The following FSCN2 variants were observed in gnomAD, a reference collection of about 807,000 sequenced individuals.
The protein encoded by FSCN2 is fascin-2.
In FSCN2, 46 loss-of-function variants were observed where a neutral mutation model predicts 37.8. The observed-to-expected ratio is 1.22, with a 90% CI of 0.96 to 1.56. FSCN2 has a LOEUF of 1.56. FSCN2 is among the 40% of genes most tolerant of loss of function. FSCN2 has a pLI of 0.00. For synonymous variants in FSCN2, 351 were observed against 309.4 expected (o/e 1.13, Z -1.41); for missense variants, 844 against 730.4 (o/e 1.16, Z -1.79).
chr17:81,519,700 A>G, the FSCN2 span, among the ~76,000 whole-genome samples: 1 of 151,988 alleles, frequency 6.6e-6, no homozygotes, highest in East Asian at 1.9e-4. Flanking sequence ...GGGGCCGGTG[A>G]CCTCAGTCAG....
At chr17:81,530,122 CT>C in intron 1 of FSCN2, 1 of 278,672 alleles carries the variant, frequency 3.6e-6, no homozygotes, top group South Asian at 4.1e-5. Context: ...ATTTTCTGGA[CT>C]TTAAAGGAAA....
In FSCN2 at chr17:81,536,607, C is replaced by T. The variant is rs1227634770; in HGVS notation, c.1106-15C>T. 4 of 1,606,934 alleles carry T rather than the reference C, an allele frequency of 2.5e-6. No individual in the cohort carries two copies. The highest frequency in any genetic ancestry group is 3.4e-6 in the Non-Finnish European group (4 of 1,179,542). ...GTGGCGGGAGGGGCAGCGCAGCAGA[C>T]GCTCTCCCCGCCAGGCAAGGACGAA... On this transcript the variant is annotated splice_polypyrimidine_tract_variant and intron_variant, in intron 3 of 4. Coordinates refer to ENST00000417245, the MANE Select transcript of FSCN2 (RefSeq NM_012418.4).
At chr17:81,531,477 GTGA>G (rs1568077467) in intron 1 of FSCN2, among the ~76,000 whole-genome samples, 1 of 122,582 alleles carries the variant, frequency 8.2e-6, no homozygotes, top group African/African-American at 3.2e-5. Flanking sequence ...GGTGGTGGTG[GTGA>G]TGGTGATGAT....
chr17:81,525,295 G>A (rs2032316655), upstream of FSCN2, among the ~76,000 whole-genome samples: 1 of 151,706 alleles, frequency 6.6e-6, no homozygotes, highest in Admixed American at 6.6e-5. Context: ...GCGTGGTGGT[G>A]GGCGCCTGTA....
intron 1 of FSCN2, among the ~76,000 whole-genome samples, chr17:81,532,350 GTGA>G (rs1242366262): frequency 9.9e-4 from 136 of 137,568 alleles, no homozygotes; most frequent in African/African-American, 3.5e-3. Context: ...GATGATGATA[GTGA>G]TGGTGGTGAT....
intron 1 of FSCN2, among the ~76,000 whole-genome samples, chr17:81,534,503 G>A (rs1454630797): frequency 1.3e-5 from 2 of 151,946 alleles, no homozygotes; most frequent in East Asian, 1.9e-4. Flanking sequence ...CCATCCCCTC[G>A]CAGGAACCCC....
Position 81,536,142 on chromosome 17 carries a change from C to T in FSCN2, c.984-4C>T, listed in dbSNP as rs1359931174. 6.2e-7 allele frequency: 1 copy of T among 1,606,768 alleles called. No homozygotes were observed. Among genetic ancestry groups the T allele is most frequent in the South Asian group, 1.1e-5 (1 of 89,652 alleles). Reference sequence around the variant, plus strand: ...CTGAGGAGACCTTTTGCTGCTCCCTCCAGTTCTGCCAACACCATGTTTGAG... The same window carrying T: ...CTGAGGAGACCTTTTGCTGCTCCCTTCAGTTCTGCCAACACCATGTTTGAG... On this transcript the variant is annotated splice_region_variant and splice_polypyrimidine_tract_variant and intron_variant, in intron 2 of 4. Coordinates refer to ENST00000417245, the MANE Select transcript of FSCN2 (RefSeq NM_012418.4).
intron 2 of FSCN2, among the ~76,000 whole-genome samples, chr17:81,535,676 CCCCA>C (rs1174196886): frequency 8.5e-5 from 1 of 11,812 alleles, no homozygotes; most frequent in Non-Finnish European, 1.7e-4. Context: ...TCCCCACCAT[CCCCA>C]TCTCCATCCC....
chr17:81,535,278 CCCA>C (rs1477013974), intron 2 of FSCN2, 70 bp downstream of exon 2: 4 of 1,041,430 alleles, frequency 3.8e-6, no homozygotes, highest in Admixed American at 5.0e-5. Context: ...CATCACCATC[CCCA>C]CCATCCGCAT....
At chr17:81,518,387 C>CTGTACCTGGCATAGCCCT in the FSCN2 span, among the ~76,000 whole-genome samples, 4 of 151,948 alleles carry the variant, frequency 2.6e-5, no homozygotes, top group Non-Finnish European at 5.9e-5. Context: ...GGCATAGCCC[C>CTGTACCTGGCATAGCCCT]TGTACCTGGC....
intron 1 of FSCN2, among the ~76,000 whole-genome samples, chr17:81,532,632 G>A (rs934874967): frequency 0.052 from 7,518 of 145,720 alleles, 590 homozygotes; most frequent in African/African-American, 0.17. Context: ...GGTGATGATG[G>A]TGATGGTGAT....
At chr17:81,516,180 G>A in the FSCN2 span, among the ~76,000 whole-genome samples, 1,859 of 152,356 alleles carry the variant, frequency 0.012, 19 homozygotes, top group Non-Finnish European at 0.017. Flanking sequence ...ATGAAACGAT[G>A]GACCCTGAAC....
chr17:81,524,116 C>T (rs1176484953), upstream of FSCN2, among the ~76,000 whole-genome samples: 2 of 152,184 alleles, frequency 1.3e-5, no homozygotes, highest in South Asian at 2.1e-4. Flanking sequence ...AGAAAGGGAA[C>T]GATTTCCTAA....
At chr17:81,529,494 G>A in intron 1 of FSCN2, 137 bp downstream of exon 1, 1 of 849,972 alleles carries the variant, frequency 1.2e-6, no homozygotes, top group Non-Finnish European at 2.0e-6. Context: ...GGGTCCATGT[G>A]GGACATGTGT....
intron 1 of FSCN2, among the ~76,000 whole-genome samples, chr17:81,531,084 T>C (rs115872385): frequency 6.6e-6 from 1 of 152,136 alleles, no homozygotes; most frequent in Non-Finnish European, 1.5e-5. Context: ...TGTGGTGTGA[T>C]GTGCATGGTG....
upstream of FSCN2, among the ~76,000 whole-genome samples, chr17:81,525,182 T>C (rs1290453881): frequency 1.3e-5 from 2 of 151,666 alleles, no homozygotes; most frequent in Non-Finnish European, 2.9e-5. Context: ...TCCCAGCACT[T>C]TGGGAGGCCG....
rs782196670 is a variant in FSCN2 at position 81,529,382 on chromosome 17, T to C, written c.826+25T>C. ...GGTAGGGAGGGCACAGGTGGCGACC[T>C]CCTGAGGGGTGCTGGGACCCCCCTG... On this transcript the variant is annotated intron_variant, in intron 1 of 4. Transcript: ENST00000417245. 3.3e-6 allele frequency: 5 copies of C among 1,502,460 alleles called. No individual in the cohort carries two copies. The African/African-American group carries it at 5.5e-5, about 17-fold the overall frequency. 93.1% of individuals were successfully genotyped at this position (1,502,460 alleles called of 1,614,324 possible).
intron 1 of FSCN2, among the ~76,000 whole-genome samples, chr17:81,532,572 GTGGTGATGATAGTGA>G (rs1357215929): frequency 1.5e-5 from 2 of 136,300 alleles, no homozygotes; most frequent in African/African-American, 5.7e-5. Flanking sequence ...GATGGTGATG[GTGGTGATGATAGTGA>G]TGGTGATGGT....
At chr17:81,536,045 G>C in intron 2 of FSCN2, 101 bp from the exon 3 acceptor site, 2 of 1,439,312 alleles carry the variant, frequency 1.4e-6, no homozygotes, top group South Asian at 2.6e-5. Context: ...GTGGAGGGCA[G>C]GCTTCTGTCC....
Sources: gnomAD v4.1 joint callset for allele counts (sites outside exome capture counted in the v4.1 genomes callset) on GRCh38, gnomAD v4.1.1 for gene constraint, MANE v1.5 for transcripts, NCBI Gene and HGNC (gene_info 2026-07-23, HGNC 2026-07-21) for gene names.